Variants in NRXN3 observed in about 807,000 individuals in gnomAD.
NRXN3 encodes the protein neurexin III.
In NRXN3, 32 loss-of-function variants were observed where a neutral mutation model predicts 137.6. The ratio of observed to expected loss-of-function variants is 0.23; its 90% CI spans 0.18 to 0.31. The LOEUF is 0.31. Ranked by LOEUF, NRXN3 falls within the 10% of genes least tolerant of loss-of-function variation. The pLI, the probability that NRXN3 is intolerant of heterozygous loss-of-function variation, is 1.00. For missense variants in NRXN3, 1,574 were observed against 2,062.5 expected, an observed-to-expected ratio of 0.76 and a Z score of 4.59; for synonymous variants, 798 against 784.5, an observed-to-expected ratio of 1.02 and a Z score of -0.29.
chr14:78,540,793 G>C (rs1197224948), intron 4 of NRXN3, among the ~76,000 whole-genome samples: 1 of 152,168 alleles, frequency 6.6e-6, no homozygotes, highest in Admixed American at 6.5e-5. Context: ...TCCTTCAGGA[G>C]CTCTTGTAAG....
intron 15 of NRXN3, among the ~76,000 whole-genome samples, chr14:79,229,809 A>C (rs181966706): frequency 6.6e-6 from 1 of 152,040 alleles, no homozygotes; most frequent in African/African-American, 2.4e-5. Flanking sequence ...TGTGCTGTGT[A>C]GATCTAGTGC....
intron 15 of NRXN3, among the ~76,000 whole-genome samples, chr14:79,112,606 C>T (rs755143690): frequency 2.0e-5 from 3 of 152,176 alleles, no homozygotes; most frequent in Non-Finnish European, 4.4e-5. Flanking sequence ...GAGAAATAAG[C>T]ACTTTCAGAA....
chr14:78,194,021 G>T (rs528916115), intron 1 of NRXN3, among the ~76,000 whole-genome samples: 9 of 152,168 alleles, frequency 5.9e-5, no homozygotes, highest in Admixed American at 2.0e-4. Flanking sequence ...TGGCCCATAG[G>T]CATAGAAAGG....
chr14:78,576,134 G>A (rs1404814212), intron 4 of NRXN3, among the ~76,000 whole-genome samples: 1 of 152,192 alleles, frequency 6.6e-6, no homozygotes, highest in African/African-American at 2.4e-5. Context: ...TAATAATACA[G>A]CTGTCCTTTT....
chr14:79,023,720 G>A (rs375066311), intron 15 of NRXN3, among the ~76,000 whole-genome samples: 86 of 152,152 alleles, frequency 5.7e-4, no homozygotes, highest in African/African-American at 2.0e-3. Flanking sequence ...AAGGGGAAAG[G>A]CCCCTTAGAA....
chr14:78,765,908 T>G (rs2098707504), intron 8 of NRXN3, among the ~76,000 whole-genome samples: 1 of 152,214 alleles, frequency 6.6e-6, no homozygotes, highest in Admixed American at 6.5e-5. Flanking sequence ...AGGTGTTCTT[T>G]GAGCTTCTCA....
chr14:78,296,276 G>A (rs1317394436), intron 3 of NRXN3, among the ~76,000 whole-genome samples: 2 of 152,078 alleles, frequency 1.3e-5, no homozygotes, highest in East Asian at 3.9e-4. Flanking sequence ...ATGTTGCCCA[G>A]GCTGGTTTCG....
At chr14:79,237,892 T>C (rs1005321209) in intron 15 of NRXN3, among the ~76,000 whole-genome samples, 11 of 152,166 alleles carry the variant, frequency 7.2e-5, no homozygotes, top group African/African-American at 2.7e-4. Flanking sequence ...ATGGGAGTAA[T>C]AATTGAGTCT....
chr14:79,418,914 T>A (rs571836548), intron 15 of NRXN3, among the ~76,000 whole-genome samples: 2 of 152,262 alleles, frequency 1.3e-5, no homozygotes, highest in East Asian at 3.9e-4. Context: ...CGTCTGGGAA[T>A]GTGGGACTCT....
intron 1 of NRXN3, among the ~76,000 whole-genome samples, chr14:78,217,357 T>C (rs1298512517): frequency 6.6e-6 from 1 of 152,234 alleles, no homozygotes; most frequent in Non-Finnish European, 1.5e-5. Flanking sequence ...CTTCTCTTTT[T>C]GCTGAGAGCA....
intron 4 of NRXN3, among the ~76,000 whole-genome samples, chr14:78,547,135 G>C (rs898823322): frequency 2.0e-5 from 3 of 151,812 alleles, no homozygotes; most frequent in African/African-American, 7.3e-5. Flanking sequence ...AGCATTTTTT[G>C]TTGAGTTGAT....
At chr14:79,345,399 G>C (rs1384315181) in intron 15 of NRXN3, among the ~76,000 whole-genome samples, 1 of 152,182 alleles carries the variant, frequency 6.6e-6, no homozygotes, top group Non-Finnish European at 1.5e-5. Flanking sequence ...GCACCAGACT[G>C]TGTAATGTGG....
chr14:79,181,292 A>C (rs2153130466), intron 15 of NRXN3, among the ~76,000 whole-genome samples: 1 of 152,240 alleles, frequency 6.6e-6, no homozygotes, highest in South Asian at 2.1e-4. Context: ...GACTATGTGA[A>C]GTATATAGTA....
intron 16 of NRXN3, among the ~76,000 whole-genome samples, chr14:79,532,830 TAATA>T (rs1238739326): frequency 1.3e-5 from 2 of 152,172 alleles, no homozygotes; most frequent in African/African-American, 4.8e-5. Context: ...GTTGTCAAAT[TAATA>T]AATAAATGTC....
In NRXN3 at chr14:79,423,266, G is replaced by T. The variant is rs189838247; in HGVS notation, c.3263-43955G>T. On this transcript the variant is annotated intron_variant, in intron 15 of 20. Coordinates refer to ENST00000335750, the MANE Select transcript of NRXN3 (RefSeq NM_001330195.2). ...GGGGGTTTTAGTAAAACTGTGTAAA[G>T]AATTTGCCATAGAAATAGGAATAGT... Among the ~76,000 whole-genome samples the T allele has an allele frequency of 3.4e-4, 52 of 152,216 alleles. 2 individuals carry two copies. The East Asian group carries it at 0.01, about 29-fold the overall frequency.
intron 4 of NRXN3, among the ~76,000 whole-genome samples, chr14:78,395,158 C>T (rs1035443540): frequency 8.6e-5 from 13 of 151,534 alleles, no homozygotes; most frequent in Non-Finnish European, 3.0e-5. Flanking sequence ...TTGACTTCCC[C>T]CCCTTTTCTA....
In NRXN3 at chr14:78,550,347, A is replaced by T. The variant is rs75566443; in HGVS notation, c.758-94773A>T. ...TGCCTGGCTGGCTCTGCAAACTTTT[A>T]CTTCTATGACCCTTTCTTTCTCTTG... On this transcript the variant is annotated intron_variant, in intron 4 of 20. Coordinates refer to ENST00000335750, the MANE Select transcript of NRXN3 (RefSeq NM_001330195.2). 3.0e-4 allele frequency among the ~76,000 whole-genome samples: 45 copies of T among 152,096 alleles called. No individual in the cohort carries two copies. The East Asian group carries it at 8.5e-3, about 29-fold the overall frequency.
intron 19 of NRXN3, among the ~76,000 whole-genome samples, chr14:79,744,424 A>C (rs1603459907): frequency 6.8e-6 from 1 of 146,928 alleles, no homozygotes; most frequent in Non-Finnish European, 1.5e-5. Context: ...CCTACCCCCC[A>C]AAAATGAACT....
At chr14:79,223,677 G>A (rs1469614408) in intron 15 of NRXN3, among the ~76,000 whole-genome samples, 2 of 152,068 alleles carry the variant, frequency 1.3e-5, no homozygotes, top group Non-Finnish European at 2.9e-5. Context: ...AGGAAAGCTG[G>A]CTCCCTGCTC....
Sources: gnomAD v4.1 joint callset for allele counts (sites outside exome capture counted in the v4.1 genomes callset) on GRCh38, gnomAD v4.1.1 for gene constraint, MANE v1.5 for transcripts, NCBI Gene and HGNC (gene_info 2026-07-23, HGNC 2026-07-21) for gene names.